Variants in FNBP1 observed in about 807,000 individuals in gnomAD.
FNBP1 encodes the protein formin-binding protein 1.
FNBP1 carries 26 observed loss-of-function variants against 90.6 expected under a neutral mutation model. The ratio of observed to expected loss-of-function variants is 0.29; its 90% CI spans 0.21 to 0.40. The LOEUF (loss-of-function observed/expected upper bound fraction) is 0.40. Among genes scored for constraint, FNBP1 ranks in the 10% least tolerant of loss-of-function variants. FNBP1 has a pLI of 1.00. For missense variants in FNBP1, 635 were observed against 768.0 expected (o/e 0.83, Z 2.05); for synonymous variants, 260 against 265.2 (o/e 0.98, Z 0.19).
At chr9:129,892,578 A>C (rs1004038393) in intron 16 of FNBP1, among the ~76,000 whole-genome samples, 1 of 152,232 alleles carries the variant, frequency 6.6e-6, no homozygotes, top group Non-Finnish European at 1.5e-5. Flanking sequence ...TTCTCTGTAC[A>C]TATTATTAAT....
At chr9:129,929,123 A>G (rs577572433) in intron 7 of FNBP1, among the ~76,000 whole-genome samples, 1 of 151,328 alleles carries the variant, frequency 6.6e-6, no homozygotes, top group African/African-American at 2.4e-5. Flanking sequence ...CAAAACAAAA[A>G]AAAGGGCCAG....
At chr9:130,046,282 T>C (rs949659243), upstream of FNBP1, among the ~76,000 whole-genome samples, 2 of 152,116 alleles carry the variant, frequency 1.3e-5, no homozygotes, top group Non-Finnish European at 2.9e-5. Flanking sequence ...ACCCACACTG[T>C]CACTCCAACC....
intron 1 of FNBP1, among the ~76,000 whole-genome samples, chr9:130,036,193 G>A (rs534178755): frequency 6.6e-6 from 1 of 152,196 alleles, no homozygotes; most frequent in East Asian, 1.9e-4. Context: ...ATTCTTAGTA[G>A]CTTTCAATTT....
intron 2 of FNBP1, among the ~76,000 whole-genome samples, chr9:129,993,765 C>T (rs1359925999): frequency 1.3e-5 from 2 of 151,912 alleles, no homozygotes; most frequent in African/African-American, 2.4e-5. Context: ...GCTGGGATTA[C>T]AGGCGCCTGC....
Position 129,915,958 on chromosome 9 carries a change from G to A in FNBP1, c.1185+8C>T, listed in dbSNP as rs1297033911. On this transcript the variant is annotated splice_region_variant and intron_variant, in intron 11 of 16. Transcript: ENST00000446176. ...GACTCAGGACATGCATGGAACAATT[G>A]TGCTTACCAGCTTGAGAGAAAGCTT... is the stretch of plus-strand genomic sequence containing the variant. 9 of 1,606,954 alleles carry A rather than the reference G, an allele frequency of 5.6e-6. No homozygotes were observed. Among genetic ancestry groups the A allele is most frequent in the Non-Finnish European group, 7.7e-6 (9 of 1,174,052 alleles).
At chr9:129,976,363 G>A (rs1322286414) in intron 4 of FNBP1, among the ~76,000 whole-genome samples, 1 of 152,132 alleles carries the variant, frequency 6.6e-6, no homozygotes, top group Non-Finnish European at 1.5e-5. Flanking sequence ...AAATGTGGCT[G>A]GAGTAGGGAG....
intron 6 of FNBP1, among the ~76,000 whole-genome samples, chr9:129,939,412 A>G (rs1468692420): frequency 1.3e-5 from 2 of 152,042 alleles, no homozygotes; most frequent in African/African-American, 4.8e-5. Context: ...AATCTTGCAT[A>G]TGTTATCACA....
In FNBP1 at chr9:130,004,397, C is replaced by A. The variant is rs953877535; in HGVS notation, c.25-9439G>T. Among the ~76,000 whole-genome samples, 6 of 152,192 alleles carry A rather than the reference C, an allele frequency of 3.9e-5. No individual in the cohort carries two copies. The East Asian group carries it at 1.2e-3, about 29-fold the overall frequency. The stretch of plus-strand genomic sequence containing the variant: ...CAGGAAAGGGGGTCCTGAGGCCAGT[C>A]CCCCTCTGCAAGCAAATCTCTCCTG... On this transcript the variant is annotated intron_variant, in intron 1 of 16. Transcript: ENST00000446176.
At chr9:129,983,181 AGG>A (rs1221126936) in intron 2 of FNBP1, among the ~76,000 whole-genome samples, 172 of 152,328 alleles carry the variant, frequency 1.1e-3, no homozygotes, top group African/African-American at 4.1e-3. Context: ...CTATTGATCC[AGG>A]TAAACCAGTA....
At chr9:129,956,689 C>T (rs1441242111) in intron 6 of FNBP1, among the ~76,000 whole-genome samples, 1 of 152,156 alleles carries the variant, frequency 6.6e-6, no homozygotes, top group African/African-American at 2.4e-5. Context: ...CCATTATAAG[C>T]AGCCAAGCTC....
chr9:129,982,339 C>T (rs911143459), intron 2 of FNBP1, among the ~76,000 whole-genome samples: 3 of 152,186 alleles, frequency 2.0e-5, no homozygotes, highest in African/African-American at 4.8e-5. Context: ...GGCATGGTGG[C>T]GCATGCCTGT....
At chr9:130,001,358 T>C (rs1354742475) in intron 1 of FNBP1, among the ~76,000 whole-genome samples, 1 of 149,734 alleles carries the variant, frequency 6.7e-6, no homozygotes, top group Non-Finnish European at 1.5e-5. Flanking sequence ...GTGAAGAATA[T>C]AGTAGTTACC....
At chr9:130,035,784 T>C (rs2059254570) in intron 1 of FNBP1, among the ~76,000 whole-genome samples, 1 of 152,078 alleles carries the variant, frequency 6.6e-6, no homozygotes, top group South Asian at 2.1e-4. Flanking sequence ...CCATTTCTAC[T>C]AAAAACACAA....
At chr9:129,952,420 C>A (rs1199605328) in intron 6 of FNBP1, among the ~76,000 whole-genome samples, 3 of 151,912 alleles carry the variant, frequency 2.0e-5, no homozygotes, top group Non-Finnish European at 4.4e-5. Context: ...ATCGCTTGAA[C>A]CTGGGAGGTG....
At chr9:129,903,128 T>A in intron 12 of FNBP1, 127 bp from the exon 13 acceptor site, 1 of 862,468 alleles carries the variant, frequency 1.2e-6, no homozygotes, top group Non-Finnish European at 1.8e-6. Flanking sequence ...CTTGGCTCAC[T>A]GCAACCTTCA....
intron 1 of FNBP1, among the ~76,000 whole-genome samples, chr9:130,039,518 T>C (rs2059636785): frequency 1.3e-5 from 2 of 151,434 alleles, no homozygotes; most frequent in African/African-American, 2.4e-5. Flanking sequence ...CTACTAAAAA[T>C]AGAAAAAATT....
Position 129,966,183 on chromosome 9 carries a change from A to G in FNBP1, c.346-7630T>C, listed in dbSNP as rs2048608853. Among the ~76,000 whole-genome samples the G allele has an allele frequency of 6.6e-6, 1 of 152,224 alleles. No individual in the cohort carries two copies. Among genetic ancestry groups the G allele is most frequent in the Non-Finnish European group, 1.5e-5 (1 of 68,046 alleles). The stretch of plus-strand genomic sequence containing the variant: ...GAAGGTAGCTATTTTAGACAAGGGC[A>G]GTCTGGGATGACATTTGAGTAGAGA... On this transcript the variant is annotated intron_variant, in intron 4 of 16. Transcript: ENST00000446176. This position sits in a 1 kb window ranked among gnomAD's most constrained non-coding sequence, Gnocchi z 4.3.
At position 129,925,168 on chromosome 9, in the gene FNBP1, A is replaced by G. The variant is rs1476488678; in HGVS notation, c.790-11T>C. Reference sequence around the variant, plus strand: ...TACCAGCTGTGAATCCTGAAATTATACCCACAAGCATATAAATACATTCAG... The same window carrying G: ...TACCAGCTGTGAATCCTGAAATTATGCCCACAAGCATATAAATACATTCAG... On this transcript the variant is annotated splice_polypyrimidine_tract_variant and intron_variant, in intron 8 of 16. Transcript: ENST00000446176. The G allele has an allele frequency of 6.2e-7, 1 of 1,601,408 alleles. No homozygotes were observed. Among genetic ancestry groups the G allele is most frequent in the South Asian group, 1.1e-5 (1 of 90,646 alleles).
intron 10 of FNBP1, among the ~76,000 whole-genome samples, chr9:129,919,445 CTTTAA>C (rs1414499926): frequency 6.6e-6 from 1 of 152,126 alleles, no homozygotes; most frequent in Non-Finnish European, 1.5e-5. Context: ...GAAAATGAAA[CTTTAA>C]TTTAAGCAAT....
Sources: gnomAD v4.1 joint callset for allele counts (sites outside exome capture counted in the v4.1 genomes callset) on GRCh38, gnomAD v4.1.1 for gene constraint, Gnocchi (gnomAD v3.1) non-coding constraint, MANE v1.5 for transcripts, NCBI Gene and HGNC (gene_info 2026-07-23, HGNC 2026-07-21) for gene names.